FSTL4: variants seen among roughly 807,000 people sequenced by gnomAD.
The protein encoded by FSTL4 is follistatin-related protein 4.
FSTL4 carries 28 observed loss-of-function variants against 78.2 expected under a neutral mutation model. The ratio of observed to expected loss-of-function variants is 0.36; its 90% CI spans 0.27 to 0.49. The LOEUF (loss-of-function observed/expected upper bound fraction) is 0.49, where lower values mean the gene tolerates loss of function less well. FSTL4 is among the 20% of genes least tolerant of loss of function. The pLI is 0.98. For missense variants in FSTL4, 922 were observed against 1,084.9 expected (o/e 0.85, Z 2.11); for synonymous variants, 422 against 440.5 (o/e 0.96, Z 0.53).
the FSTL4 span, among the ~76,000 whole-genome samples, chr5:133,755,310 A>G: frequency 2.0e-5 from 3 of 152,130 alleles, no homozygotes; most frequent in Non-Finnish European, 4.4e-5. Context: ...TTGCCTGGAA[A>G]TATCATTTTT....
chr5:133,686,635 T>C, the FSTL4 span, among the ~76,000 whole-genome samples: 1 of 152,142 alleles, frequency 6.6e-6, no homozygotes, highest in Non-Finnish European at 1.5e-5. Context: ...GCAGGCCAGG[T>C]GGGATAGGCA....
At chr5:133,700,230 ACCACCACACCAAACCATCACACAAAG>A in the FSTL4 span, among the ~76,000 whole-genome samples, 1 of 149,496 alleles carries the variant, frequency 6.7e-6, no homozygotes, top group Non-Finnish European at 1.5e-5. Context: ...ACCACACCAA[ACCACCACACCAAACCATCACACAAAG>A]CCACCACACC....
chr5:133,252,625 G>A lies in FSTL4; in HGVS notation c.728-3049C>T, dbSNP rs571574804. 1.1e-4 allele frequency among the ~76,000 whole-genome samples: 8 copies of A among 71,986 alleles called. No individual in the cohort carries two copies. In the East Asian group the frequency reaches 5.7e-3, roughly 51 times the overall value. 47.2% of individuals were successfully genotyped at this position (71,986 alleles called of 152,430 possible). ...GAATGCAGGTGGGAGACAGGGAGAC[G>A]AGGCAGGTCTGGTAGGCTGGGGTTT... On this transcript the variant is annotated intron_variant, in intron 6 of 15. Coordinates refer to ENST00000265342, the MANE Select transcript of FSTL4 (RefSeq NM_015082.2).
intron 4 of FSTL4, among the ~76,000 whole-genome samples, chr5:133,379,014 G>A (rs895894240): frequency 6.6e-6 from 1 of 152,034 alleles, no homozygotes; most frequent in African/African-American, 2.4e-5. Flanking sequence ...AATATATGCT[G>A]GCTGTAGAAC....
At chr5:133,658,607 T>C in the FSTL4 span, among the ~76,000 whole-genome samples, 1 of 152,128 alleles carries the variant, frequency 6.6e-6, no homozygotes, top group South Asian at 2.1e-4. Flanking sequence ...TTCCCATTGT[T>C]GTTATTTTCT....
chr5:133,430,963 T>G (rs934731412), intron 3 of FSTL4, among the ~76,000 whole-genome samples: 2 of 152,228 alleles, frequency 1.3e-5, no homozygotes, highest in African/African-American at 4.8e-5. Context: ...CTATTAAACT[T>G]CCTGGTGGAC....
chr5:133,679,993 C>T, the FSTL4 span, among the ~76,000 whole-genome samples: 1 of 152,142 alleles, frequency 6.6e-6, no homozygotes, highest in Non-Finnish European at 1.5e-5. Context: ...TACTAGAACT[C>T]AGAAAAGTCA....
At position 133,404,626 on chromosome 5, in the gene FSTL4, A is replaced by G. The variant is rs140939523; in HGVS notation, c.161-3640T>C. Among the ~76,000 whole-genome samples the G allele has an allele frequency of 1.2e-4, 18 of 152,332 alleles. No individual in the cohort carries two copies. In the East Asian group the frequency reaches 3.5e-3, roughly 29 times the overall value. On this transcript the variant is annotated intron_variant, in intron 3 of 15. Coordinates refer to ENST00000265342, the MANE Select transcript of FSTL4 (RefSeq NM_015082.2). ...TCTGTGATCTGAATAAGGATTTTCA[A>G]TAAGAATGTCACAGACCCAGGACTG...
At chr5:133,673,434 G>A in the FSTL4 span, among the ~76,000 whole-genome samples, 1 of 152,142 alleles carries the variant, frequency 6.6e-6, no homozygotes, top group Non-Finnish European at 1.5e-5. Context: ...GTTGCTCACT[G>A]CCGGATATTC....
chr5:133,633,583 A>T, the FSTL4 span, among the ~76,000 whole-genome samples: 9 of 152,182 alleles, frequency 5.9e-5, no homozygotes, highest in Non-Finnish European at 1.0e-4. Flanking sequence ...AATCTTATCA[A>T]ATAATTCCAA....
the FSTL4 span, among the ~76,000 whole-genome samples, chr5:133,754,161 A>G: frequency 6.6e-6 from 1 of 152,170 alleles, no homozygotes; most frequent in Non-Finnish European, 1.5e-5. Flanking sequence ...CAATCATCCA[A>G]CTCTAGACAA....
the FSTL4 span, among the ~76,000 whole-genome samples, chr5:133,811,277 G>C: frequency 6.6e-6 from 1 of 152,108 alleles, no homozygotes; most frequent in East Asian, 1.9e-4. Flanking sequence ...CGAGCACTTT[G>C]AGCTACTTCC....
At chr5:133,534,271 C>T (rs970710050) in intron 3 of FSTL4, among the ~76,000 whole-genome samples, 26 of 152,086 alleles carry the variant, frequency 1.7e-4, no homozygotes, top group African/African-American at 6.3e-4. Context: ...TTTTCTGTCA[C>T]TTGAGTTTAA....
rs545756800 is a variant in FSTL4 at position 133,405,860 on chromosome 5, A to G, written c.161-4874T>C. ...TCTACCCTAAGATGGGGTGGGTGGT[A>G]ACAACGGGGCACTTCCGCAGTTCCT... On this transcript the variant is annotated intron_variant, in intron 3 of 15. Coordinates refer to ENST00000265342, the MANE Select transcript of FSTL4 (RefSeq NM_015082.2). Among the ~76,000 whole-genome samples the G allele has an allele frequency of 8.5e-4, 129 of 152,312 alleles. No individual in the cohort carries two copies. The South Asian group carries it at 0.025, about 30-fold the overall frequency.
chr5:133,217,223 G>T lies in FSTL4; in HGVS notation c.1608+6C>A. 1 of 1,612,496 alleles carries T rather than the reference G, an allele frequency of 6.2e-7. No homozygotes were observed. Among genetic ancestry groups the T allele is most frequent in the Non-Finnish European group, 8.5e-7 (1 of 1,178,856 alleles). ...AAGTTTTCCTCACTCCATTAAAGAG[G>T]TGTACCTGTAGGACTTTCTGGGCTT... On this transcript the variant is annotated splice_donor_region_variant and intron_variant, in intron 13 of 15. Transcript: ENST00000265342.
the FSTL4 span, among the ~76,000 whole-genome samples, chr5:133,760,416 G>A: frequency 1.3e-5 from 2 of 152,296 alleles, no homozygotes; most frequent in Non-Finnish European, 2.9e-5. Context: ...GTGGGTCTCT[G>A]CTGCCTCCAT....
the FSTL4 span, among the ~76,000 whole-genome samples, chr5:133,754,656 T>C: frequency 6.6e-6 from 1 of 152,182 alleles, no homozygotes; most frequent in African/African-American, 2.4e-5. Context: ...ACCCACTATG[T>C]CTGCATTCAT....
intron 1 of FSTL4, among the ~76,000 whole-genome samples, chr5:133,607,195 T>C (rs2112983202): frequency 6.6e-6 from 1 of 152,350 alleles, no homozygotes; most frequent in South Asian, 2.1e-4. Flanking sequence ...GTGTTTTAGA[T>C]GTCATTTTAT....
the FSTL4 span, among the ~76,000 whole-genome samples, chr5:133,687,381 G>GC: frequency 6.6e-6 from 1 of 152,192 alleles, no homozygotes; most frequent in Non-Finnish European, 1.5e-5. Flanking sequence ...ACACTCTGTG[G>GC]CGTGAGGCTA....
Sources: gnomAD v4.1 joint callset for allele counts (sites outside exome capture counted in the v4.1 genomes callset) on GRCh38, gnomAD v4.1.1 for gene constraint, MANE v1.5 for transcripts, NCBI Gene and HGNC (gene_info 2026-07-23, HGNC 2026-07-21) for gene names.